Variants in TMCO6 observed in about 807,000 individuals in gnomAD.
TMCO6 encodes transmembrane and coiled-coil domains 6, also known as transmembrane and coiled-coil domain-containing protein 6.
Under a neutral mutation model 61.8 loss-of-function variants are expected in TMCO6, and 47 were observed. That is an observed-to-expected ratio of 0.76 (90% CI 0.60 to 0.97). The LOEUF is 0.97. Among genes scored for constraint, TMCO6 ranks in the 50% least tolerant of loss-of-function variants. TMCO6 has a pLI of 0.00. For synonymous variants in TMCO6, 261 were observed against 254.2 expected, an observed-to-expected ratio of 1.03 and a Z score of -0.25; for missense variants, 557 against 601.6, an observed-to-expected ratio of 0.93 and a Z score of 0.78.
chr5:140,642,268 C>G (rs1581463254), intron 4 of TMCO6, 47 bp from the exon 5 acceptor site: 1 of 1,535,656 alleles, frequency 6.5e-7, no homozygotes, highest in Non-Finnish European at 8.9e-7. Context: ...CACACGCAGC[C>G]TGGCATGAAA....
rs1757313206 is a variant in TMCO6 at position 140,645,025 on chromosome 5, T to C, written c.1409T>C (p.Leu470Pro). Residue 470 changes from leucine to proline, a missense_variant, in exon 12 of 12, where the codon CTG (leucine) becomes CCG (proline). Coordinates refer to ENST00000394671, the MANE Select transcript of TMCO6 (RefSeq NM_018502.5). ...VFLQQSGLQALERHQEEAQLQ... is the reference protein window; with the variant it reads ...VFLQQSGLQAPERHQEEAQLQ... ...CTGCAGCAGTCAGGGCTGCAAGCCC[T>C]GGAAAGGCATCAGGAAGAGGCCCAG... 2.5e-6 allele frequency: 4 copies of C among 1,614,104 alleles called. No individual in the cohort carries two copies. Among genetic ancestry groups the C allele is most frequent in the Non-Finnish European group, 3.4e-6 (4 of 1,180,048 alleles).
chr5:140,633,092 C>T, the TMCO6 span: 1 of 1,614,092 alleles, frequency 6.2e-7, no homozygotes. Context: ...TCTTCCGAAC[C>T]TCTGAGCTCC....
the TMCO6 span, among the ~76,000 whole-genome samples, chr5:140,601,329 G>A: frequency 3.1e-3 from 469 of 152,268 alleles, 2 homozygotes; most frequent in Non-Finnish European, 3.8e-3. Flanking sequence ...GTGAACCAAA[G>A]GAAGCTGACC....
rs906178858 is a variant in TMCO6, at chr5:140,639,500, C to T, written c.-28C>T. The T allele has an allele frequency of 1.3e-6, 2 of 1,548,050 alleles. No individual in the cohort carries two copies. Among genetic ancestry groups the T allele is most frequent in the Non-Finnish European group, 1.7e-6 (2 of 1,145,512 alleles). On this transcript the variant is annotated 5_prime_UTR_variant, in exon 1 of 12. Coordinates refer to ENST00000394671, the MANE Select transcript of TMCO6 (RefSeq NM_018502.5). ...CCTGGGAGCGTTGTGGCTGCTGTTT[C>T]CTTCGGCTTTCCTCCTCCTGCTCCA...
chr5:140,624,327 G>GCACTC, the TMCO6 span, among the ~76,000 whole-genome samples: 1 of 151,990 alleles, frequency 6.6e-6, no homozygotes, highest in East Asian at 1.9e-4. Context: ...TCACACCTTT[G>GCACTC]CACTCCAGCC....
chr5:140,642,244 C>T, intron 4 of TMCO6, 71 bp from the exon 5 acceptor site: 1 of 1,460,322 alleles, frequency 6.8e-7, no homozygotes. Flanking sequence ...CATCACCTCC[C>T]CTCCCCATCT....
chr5:140,614,779 T>A, the TMCO6 span, among the ~76,000 whole-genome samples: 1 of 152,076 alleles, frequency 6.6e-6, no homozygotes, highest in East Asian at 1.9e-4. Flanking sequence ...CACGCCTGGC[T>A]AATTTTTTGT....
chr5:140,609,598 G>A, the TMCO6 span, among the ~76,000 whole-genome samples: 24 of 149,026 alleles, frequency 1.6e-4, no homozygotes, highest in Non-Finnish European at 3.2e-4. Flanking sequence ...AGGCATAGAA[G>A]CAAGTGCTGG....
chr5:140,646,012 T>C (rs1038965971), downstream of TMCO6, among the ~76,000 whole-genome samples: 18 of 146,188 alleles, frequency 1.2e-4, no homozygotes, highest in South Asian at 1.5e-3. Context: ...TCTCTCTCTT[T>C]TTTTTTTTTT....
At chr5:140,601,711 A>G in the TMCO6 span, among the ~76,000 whole-genome samples, 1 of 152,220 alleles carries the variant, frequency 6.6e-6, no homozygotes, top group Non-Finnish European at 1.5e-5. Context: ...CAGCAGTCTC[A>G]GCATCTCCTG....
the TMCO6 span, among the ~76,000 whole-genome samples, chr5:140,605,736 CACA>C: frequency 4.6e-3 from 179 of 38,690 alleles, 2 homozygotes; most frequent in South Asian, 0.023. Context: ...CACACACACA[CACA>C]AAGAAAGAAG....
chr5:140,616,882 A>C, the TMCO6 span, among the ~76,000 whole-genome samples: 1 of 150,782 alleles, frequency 6.6e-6, no homozygotes, highest in East Asian at 2.0e-4. Context: ...CTATCTCTAC[A>C]AAAAATAAAT....
At chr5:140,643,084 C>T (rs377689032) in intron 7 of TMCO6, 43 bp downstream of exon 7, 1 of 1,613,046 alleles carries the variant, frequency 6.2e-7, no homozygotes, top group Non-Finnish European at 8.5e-7. Flanking sequence ...TTCCCTGGGG[C>T]TCCCTTCCAT....
the TMCO6 span, among the ~76,000 whole-genome samples, chr5:140,618,547 G>C: frequency 6.6e-6 from 1 of 151,688 alleles, no homozygotes; most frequent in African/African-American, 2.4e-5. Context: ...TTGTTATATA[G>C]GTAAACAAGT....
At chr5:140,620,831 T>C in the TMCO6 span, among the ~76,000 whole-genome samples, 8 of 152,078 alleles carry the variant, frequency 5.3e-5, no homozygotes, top group African/African-American at 1.7e-4. Flanking sequence ...GGCAACATAG[T>C]GAGACCTTGC....
the TMCO6 span, among the ~76,000 whole-genome samples, chr5:140,625,844 T>TG: frequency 2.0e-5 from 3 of 152,086 alleles, no homozygotes; most frequent in African/African-American, 4.8e-5. Flanking sequence ...TAGAATATGT[T>TG]GGGGGTGATG....
Position 140,639,842 on chromosome 5 carries a change from G to GA in TMCO6, c.189_190insA (p.Glu64ArgfsTer35). On this transcript the variant is annotated frameshift_variant, in exon 2 of 12. Coordinates refer to ENST00000394671, the MANE Select transcript of TMCO6 (RefSeq NM_018502.5). LOFTEE classifies it high-confidence loss of function. ...AGGGATGTGTGGCTGCGATCCTCGG[G>GA]GAAACCGAGGTGAGGGGGCAAGGTA... The GA allele has an allele frequency of 6.2e-7, 1 of 1,604,936 alleles. No individual in the cohort carries two copies. The highest frequency in any genetic ancestry group is 8.5e-7 in the Non-Finnish European group (1 of 1,176,646).
chr5:140,645,433 AG>A (rs756397867), downstream of TMCO6: 9 of 982,622 alleles, frequency 9.2e-6, no homozygotes, highest in African/African-American at 1.4e-4. Flanking sequence ...TTGCACAGTA[AG>A]GGGTAGAGGG....
chr5:140,597,264 G>T, the TMCO6 span, among the ~76,000 whole-genome samples: 3 of 152,112 alleles, frequency 2.0e-5, no homozygotes, highest in Non-Finnish European at 4.4e-5. Flanking sequence ...AATACATTTG[G>T]CTATCAGTTT....
Sources: allele counts gnomAD v4.1 joint callset (sites outside exome capture counted in the v4.1 genomes callset), GRCh38; gene constraint gnomAD v4.1.1; transcripts MANE v1.5; gene names NCBI Gene and HGNC (gene_info 2026-07-23, HGNC 2026-07-21).